SLC14A2: variants seen among roughly 807,000 people sequenced by gnomAD.
SLC14A2 encodes solute carrier family 14 member 2.
Under a neutral mutation model 104.6 loss-of-function variants are expected in SLC14A2, and 91 were observed. The observed-to-expected ratio is 0.87, with a 90% CI of 0.73 to 1.04. The LOEUF (loss-of-function observed/expected upper bound fraction) is 1.04, where lower values mean the gene tolerates loss of function less well. Among genes scored for constraint, SLC14A2 ranks in the 50% least tolerant of loss-of-function variants. The pLI is 0.00. For synonymous variants in SLC14A2, 476 were observed against 466.4 expected (o/e 1.02, Z -0.27); for missense variants, 1,189 against 1,156.0 (o/e 1.03, Z -0.41).
intron 1 of SLC14A2, among the ~76,000 whole-genome samples, chr18:45,255,683 A>C (rs1311188983): frequency 2.0e-5 from 3 of 152,136 alleles, no homozygotes; most frequent in East Asian, 3.9e-4. Context: ...TGTCCATTTA[A>C]TTTCCACGAC....
chr18:45,476,118 C>T (rs2193634), intron 1 of SLC14A2, among the ~76,000 whole-genome samples: 62,317 of 151,880 alleles, frequency 0.41, 12,857 homozygotes, highest in African/African-American at 0.45. Flanking sequence ...TGGCTGGTAC[C>T]GGTTTTTCCT....
chr18:45,361,380 A>G (rs1038903737), intron 1 of SLC14A2, among the ~76,000 whole-genome samples: 4 of 152,178 alleles, frequency 2.6e-5, no homozygotes, highest in African/African-American at 9.7e-5. Flanking sequence ...TTGGCAGCCC[A>G]TGGACACATT....
chr18:45,662,043 G>C (rs575352015), intron 10 of SLC14A2, among the ~76,000 whole-genome samples: 1 of 152,202 alleles, frequency 6.6e-6, no homozygotes, highest in African/African-American at 2.4e-5. Context: ...TGTAGCTCAC[G>C]CCTGTACTCC....
chr18:45,309,061 T>A (rs1422254866), intron 1 of SLC14A2, among the ~76,000 whole-genome samples: 1 of 152,206 alleles, frequency 6.6e-6, no homozygotes, highest in African/African-American at 2.4e-5. Context: ...ACCCTCAGTT[T>A]TGGAGATTTC....
the SLC14A2 span, among the ~76,000 whole-genome samples, chr18:45,186,513 G>C: frequency 2.0e-5 from 3 of 152,186 alleles, no homozygotes; most frequent in East Asian, 5.8e-4. Context: ...GAAAACTCTA[G>C]AGACTTCCAG....
intron 9 of SLC14A2, among the ~76,000 whole-genome samples, chr18:45,643,481 A>G (rs957060220): frequency 1.3e-5 from 2 of 152,170 alleles, no homozygotes; most frequent in African/African-American, 4.8e-5. Context: ...CCTCAGGCCA[A>G]TTTTCAGCTC....
At chr18:45,299,890 C>G (rs2084951671) in intron 1 of SLC14A2, among the ~76,000 whole-genome samples, 2 of 152,182 alleles carry the variant, frequency 1.3e-5, no homozygotes, top group African/African-American at 4.8e-5. Context: ...GTGTCTTGGC[C>G]TGTTCTCTGA....
chr18:45,556,703 CACAAT>C (rs1211941093), intron 2 of SLC14A2, among the ~76,000 whole-genome samples: 1 of 152,150 alleles, frequency 6.6e-6, no homozygotes, highest in Non-Finnish European at 1.5e-5. Context: ...TTTATATTTA[CACAAT>C]ACAATTTATA....
At chr18:45,489,761 T>A (rs564279666) in intron 2 of SLC14A2, 1 of 152,172 alleles carries the variant, frequency 6.6e-6, no homozygotes, top group South Asian at 2.1e-4. Context: ...CAGAAAGGAG[T>A]GTCACAAAGT....
At chr18:45,580,384 A>C (rs1045231950) in intron 2 of SLC14A2, among the ~76,000 whole-genome samples, 3 of 152,214 alleles carry the variant, frequency 2.0e-5, no homozygotes, top group Non-Finnish European at 4.4e-5. Context: ...AACATACAGC[A>C]AGGCTGAGGC....
chr18:45,207,196 T>G, the SLC14A2 span, among the ~76,000 whole-genome samples: 1 of 152,020 alleles, frequency 6.6e-6, no homozygotes, highest in Non-Finnish European at 1.5e-5. Context: ...ATATCACACT[T>G]TAGTCAAAAA....
In SLC14A2 at chr18:45,440,642, A is replaced by T. The variant is rs141877816; in HGVS notation, c.-124-42591A>T. Among the ~76,000 whole-genome samples, 870 of 152,324 alleles carry T rather than the reference A, an allele frequency of 5.7e-3. 3 individuals carry two copies. Among genetic ancestry groups the T allele is most frequent in the Non-Finnish European group, 8.3e-3 (565 of 68,030 alleles). On this transcript the variant is annotated intron_variant, in intron 1 of 20. Coordinates refer to the SLC14A2 transcript ENST00000586448. Reference sequence around the variant, plus strand: ...CCAAGAATGAGACATTCCTAACTGGAGTCCTGGCACTATCACTTACAAGGT... The same window carrying T: ...CCAAGAATGAGACATTCCTAACTGGTGTCCTGGCACTATCACTTACAAGGT...
chr18:45,418,251 C>T (rs1324197718), intron 1 of SLC14A2, among the ~76,000 whole-genome samples: 1 of 152,174 alleles, frequency 6.6e-6, no homozygotes, highest in South Asian at 2.1e-4. Flanking sequence ...TACTCACAAG[C>T]TTGGAGGGAG....
At chr18:45,640,465 T>G (rs1166527944) in intron 7 of SLC14A2, among the ~76,000 whole-genome samples, 1 of 152,180 alleles carries the variant, frequency 6.6e-6, no homozygotes, top group African/African-American at 2.4e-5. Context: ...AGAAAATTGT[T>G]CTCAAACATT....
At chr18:45,288,072 A>T (rs2084832935) in intron 1 of SLC14A2, among the ~76,000 whole-genome samples, 1 of 152,230 alleles carries the variant, frequency 6.6e-6, no homozygotes, top group Non-Finnish European at 1.5e-5. Context: ...TAACCATCTT[A>T]GATCCAGAAA....
In SLC14A2 at chr18:45,682,487, A is replaced by T; in HGVS notation, c.2731A>T (p.Ile911Leu). Residue 911 changes from isoleucine to leucine, a missense_variant, in exon 20 of 20, where the codon ATA becomes TTA. Physicochemically the swap from Ile to Leu is conservative, Grantham distance 5. Coordinates refer to ENST00000255226, the MANE Select transcript of SLC14A2 (RefSeq NM_007163.4). Reference protein sequence around the residue: ...SQERNRRASIITKYQAYDVS With the variant: ...SQERNRRASILTKYQAYDVS The stretch of plus-strand genomic sequence containing the variant: ...GGAGAGAAACAGAAGGGCATCAATC[A>T]TAACAAAGTATCAGGCCTACGATGT... 1 of 1,614,190 alleles carries T rather than the reference A, an allele frequency of 6.2e-7. No homozygotes were observed. Among genetic ancestry groups the T allele is most frequent in the South Asian group, 1.1e-5 (1 of 91,082 alleles).
chr18:45,174,325 T>C, the SLC14A2 span, among the ~76,000 whole-genome samples: 10 of 152,270 alleles, frequency 6.6e-5, no homozygotes, highest in African/African-American at 2.2e-4. Context: ...TCCAGGTGAC[T>C]GACAGATGGT....
chr18:45,661,023 T>G (rs4890295), intron 10 of SLC14A2, among the ~76,000 whole-genome samples: 1 of 152,072 alleles, frequency 6.6e-6, no homozygotes, highest in Non-Finnish European at 1.5e-5. Context: ...GTCTTGGCCA[T>G]GTGAGAAAGG....
chr18:45,232,600 A>G (rs999977223), intron 1 of SLC14A2, among the ~76,000 whole-genome samples: 1 of 152,232 alleles, frequency 6.6e-6, no homozygotes, highest in Non-Finnish European at 1.5e-5. Context: ...TTGAAGATTC[A>G]TTTGTCAAAC....
Sources: allele counts gnomAD v4.1 joint callset (sites outside exome capture counted in the v4.1 genomes callset), GRCh38; gene constraint gnomAD v4.1.1; transcripts MANE v1.5; gene names NCBI Gene and HGNC (gene_info 2026-07-23, HGNC 2026-07-21).